KIF3B: variants seen among roughly 807,000 people sequenced by gnomAD.
The protein encoded by KIF3B is kinesin family member 3B.
A neutral mutation model predicts 74.3 loss-of-function variants in KIF3B; 38 were observed. The ratio of observed to expected loss-of-function variants is 0.51; its 90% CI spans 0.39 to 0.67. The LOEUF (loss-of-function observed/expected upper bound fraction) is 0.67, where lower values mean the gene tolerates loss of function less well. Ranked by LOEUF, KIF3B falls within the 30% of genes least tolerant of loss-of-function variation. KIF3B has a pLI of 0.00. For synonymous variants in KIF3B, 326 were observed against 342.5 expected, an observed-to-expected ratio of 0.95 and a Z score of 0.53; for missense variants, 649 against 932.0, an observed-to-expected ratio of 0.70 and a Z score of 3.95.
chr20:32,305,728 C>G (rs982024380), intron 1 of KIF3B, among the ~76,000 whole-genome samples: 1 of 151,698 alleles, frequency 6.6e-6, no homozygotes, highest in Non-Finnish European at 1.5e-5. Context: ...GCACATGCCA[C>G]CATGCCCGGC....
At chr20:32,327,527 AG>A in intron 6 of KIF3B, 28 bp from the exon 7 acceptor site, 1 of 1,594,426 alleles carries the variant, frequency 6.3e-7, no homozygotes, top group Non-Finnish European at 8.6e-7. Context: ...GACTCCAGCC[AG>A]GGCTTTAACA....
rs1481919712 is a variant in KIF3B at position 32,311,054 on chromosome 20, G to A, written c.1277G>A (p.Arg426Gln). The A allele has an allele frequency of 6.2e-6, 10 of 1,613,456 alleles. No homozygotes were observed. Among genetic ancestry groups the A allele is most frequent in the South Asian group, 2.2e-5 (2 of 91,010 alleles). The change falls in exon 2 of 9, where the codon CGG (arginine) becomes CAG (glutamine). Residue 426 changes from arginine (R) to glutamine (Q), a missense_variant. By Grantham distance (43) the Arg-to-Gln change is conservative. This residue lies in a region of KIF3B where 363 missense variants were observed against 592.8 expected (regional missense o/e 0.61). Coordinates refer to ENST00000375712, the MANE Select transcript of KIF3B (RefSeq NM_004798.4). ...CAAGAAAAACTGGAGATTGAGAAGC[G>A]GGCCATTGTAGAGGATCACAGCTTG... ...EQQEKLEIEK[R>Q]AIVEDHSLVA...
intron 1 of KIF3B, among the ~76,000 whole-genome samples, chr20:32,287,872 CTTTTTTTTTTTTTTT>C (rs10699896): frequency 1.1e-4 from 5 of 47,494 alleles, no homozygotes; most frequent in Admixed American, 5.9e-4. Context: ...CTAAAAGTAT[CTTTTTTTTTTTTTTT>C]TTTTTTTTTT....
chr20:32,325,892 T>A (rs2047901785), intron 5 of KIF3B, among the ~76,000 whole-genome samples: 1 of 151,978 alleles, frequency 6.6e-6, no homozygotes, highest in Non-Finnish European at 1.5e-5. Flanking sequence ...GTTCTCGAAC[T>A]CCTGACCTCA....
intron 5 of KIF3B, among the ~76,000 whole-genome samples, chr20:32,319,259 C>A (rs2047844647): frequency 2.0e-5 from 3 of 151,908 alleles, no homozygotes; most frequent in Non-Finnish European, 4.4e-5. Flanking sequence ...CCATGCCCGG[C>A]CTCTCCACAT....
intron 1 of KIF3B, among the ~76,000 whole-genome samples, chr20:32,294,399 A>T (rs2047707145): frequency 6.6e-6 from 1 of 152,122 alleles, no homozygotes. Flanking sequence ...GCTGAAATCA[A>T]AGTTCTGGAC....
At chr20:32,279,080 C>T (rs1022912602) in intron 1 of KIF3B, among the ~76,000 whole-genome samples, 2 of 151,730 alleles carry the variant, frequency 1.3e-5, no homozygotes, top group Admixed American at 6.6e-5. Context: ...TTCACCACCT[C>T]GTCCACTAAT....
chr20:32,323,553 C>T (rs1249150446), intron 5 of KIF3B, among the ~76,000 whole-genome samples: 1 of 151,890 alleles, frequency 6.6e-6, no homozygotes, highest in East Asian at 1.9e-4. Flanking sequence ...GAGTAGTGAG[C>T]CACCACGCCC....
chr20:32,294,287 G>A (rs188036866), intron 1 of KIF3B, among the ~76,000 whole-genome samples: 28 of 152,164 alleles, frequency 1.8e-4, no homozygotes, highest in Middle Eastern at 3.4e-3. Context: ...AGTACATGGC[G>A]CCAGTTTGAA....
chr20:32,289,328 G>A (rs2047680761), intron 1 of KIF3B, among the ~76,000 whole-genome samples: 1 of 151,956 alleles, frequency 6.6e-6, no homozygotes, highest in Non-Finnish European at 1.5e-5. Flanking sequence ...TGAGTAGCTG[G>A]GATTACAGGT....
At position 32,310,435 on chromosome 20, in the gene KIF3B, G is replaced by T. The variant is rs1054649511; in HGVS notation, c.658G>T (p.Val220Phe). ...EHSSRSHAIF[V>F]ITIECSEVGL... Reference sequence around the variant, plus strand: ...CAGCTCGCGTTCTCATGCAATTTTCGTTATCACTATTGAGTGCAGCGAGGT... The same window carrying T: ...CAGCTCGCGTTCTCATGCAATTTTCTTTATCACTATTGAGTGCAGCGAGGT... The change falls in exon 2 of 9, where the codon GTT (valine) becomes TTT (phenylalanine). Residue 220 changes from valine to phenylalanine, a missense_variant. Val to Phe is a conservative substitution (Grantham distance 50, BLOSUM62 -1). Transcript: ENST00000375712. The surrounding 1 kb of genome is among the most constrained non-coding windows in gnomAD (Gnocchi z 6.5). 2 of 1,614,000 alleles carry T rather than the reference G, an allele frequency of 1.2e-6. No individual in the cohort carries two copies. Among genetic ancestry groups the T allele is most frequent in the Admixed American group, 1.7e-5 (1 of 60,006 alleles).
intron 1 of KIF3B, among the ~76,000 whole-genome samples, chr20:32,308,286 C>T (rs1406918114): frequency 6.6e-6 from 1 of 152,284 alleles, no homozygotes; most frequent in East Asian, 1.9e-4. Flanking sequence ...TGCAGTGACA[C>T]GATCATAGCT....
At chr20:32,315,963 A>T (rs187447048) in intron 2 of KIF3B, among the ~76,000 whole-genome samples, 3 of 152,286 alleles carry the variant, frequency 2.0e-5, no homozygotes, top group Admixed American at 1.3e-4. Context: ...CAAGCAAAAA[A>T]AAAAAATTTG....
chr20:32,290,289 A>T (rs2047685342), intron 1 of KIF3B, among the ~76,000 whole-genome samples: 3 of 152,050 alleles, frequency 2.0e-5, no homozygotes, highest in Admixed American at 2.0e-4. Context: ...AAGCTGAGGC[A>T]GGAGAATCCC....
At chr20:32,299,403 ATTTTTTTT>A (rs11473044) in intron 1 of KIF3B, among the ~76,000 whole-genome samples, 15 of 9,026 alleles carry the variant, frequency 1.7e-3, no homozygotes, top group Non-Finnish European at 2.2e-3. Context: ...ATATATATAT[ATTTTTTTT>A]TTTTTTTTTT....
At chr20:32,298,128 G>T (rs1024731867) in intron 1 of KIF3B, among the ~76,000 whole-genome samples, 163 of 147,258 alleles carry the variant, frequency 1.1e-3, no homozygotes, top group Non-Finnish European at 2.0e-3. Flanking sequence ...AAAAATTGTT[G>T]TTTTTTTGAA....
At chr20:32,289,790 A>G (rs575969888) in intron 1 of KIF3B, among the ~76,000 whole-genome samples, 38 of 152,316 alleles carry the variant, frequency 2.5e-4, no homozygotes, top group African/African-American at 8.7e-4. Flanking sequence ...TCCAGAAACA[A>G]TCGGATTATT....
In KIF3B at chr20:32,333,186, A is replaced by T. The variant is rs2047938073; in HGVS notation, c.*1867A>T. On this transcript the variant is annotated 3_prime_UTR_variant, in exon 9 of 9. Coordinates refer to ENST00000375712, the MANE Select transcript of KIF3B (RefSeq NM_004798.4). The stretch of plus-strand genomic sequence containing the variant: ...CTTTACTTCTTTCTTATTTACTAAG[A>T]ATTTGCCTGTTTGAATAAGAACAAA... 1 of 152,122 alleles carries T rather than the reference A, an allele frequency of 6.6e-6. No individual in the cohort carries two copies. 9.4% of individuals were successfully genotyped at this position (152,122 alleles called of 1,614,324 possible).
At chr20:32,284,557 G>A (rs996967319) in intron 1 of KIF3B, among the ~76,000 whole-genome samples, 9 of 152,150 alleles carry the variant, frequency 5.9e-5, no homozygotes, top group African/African-American at 2.2e-4. Context: ...GGGAGGTCAA[G>A]GCAGGAGGAT....
Sources: allele counts gnomAD v4.1 joint callset (sites outside exome capture counted in the v4.1 genomes callset), GRCh38; gene constraint gnomAD v4.1.1; regional missense constraint gnomAD v4.1.1; non-coding constraint Gnocchi (gnomAD v3.1); transcripts MANE v1.5; gene names NCBI Gene and HGNC (gene_info 2026-07-23, HGNC 2026-07-21).